MLKL: variants seen among roughly 807,000 people sequenced by gnomAD.
MLKL encodes the protein mixed lineage kinase domain-like protein.
MLKL carries 55 observed loss-of-function variants against 56.5 expected under a neutral mutation model. The ratio of observed to expected loss-of-function variants is 0.97; its 90% CI spans 0.78 to 1.22. MLKL has a LOEUF of 1.22. Among genes scored for constraint, MLKL ranks in the 50% most tolerant of loss-of-function variants. The pLI is 0.00. For missense variants in MLKL, 694 were observed against 573.9 expected, an observed-to-expected ratio of 1.21 and a Z score of -2.14; for synonymous variants, 251 against 208.3, an observed-to-expected ratio of 1.20 and a Z score of -1.76.
chr16:74,677,593 G>A (rs1017722449), intron 7 of MLKL: 2 of 152,122 alleles, frequency 1.3e-5, no homozygotes, highest in Non-Finnish European at 2.9e-5. Flanking sequence ...TGGGCTCAAA[G>A]TGATCCTCCT....
intron 5 of MLKL, among the ~76,000 whole-genome samples, chr16:74,683,933 A>G (rs1960157290): frequency 6.6e-6 from 1 of 152,018 alleles, no homozygotes; most frequent in Non-Finnish European, 1.5e-5. Flanking sequence ...GTTGCTGAAC[A>G]TTTGTCTTTA....
intron 2 of MLKL, among the ~76,000 whole-genome samples, chr16:74,695,038 A>C (rs1201334033): frequency 6.6e-6 from 1 of 152,004 alleles, no homozygotes; most frequent in African/African-American, 2.4e-5. Flanking sequence ...ATGCCCGGCT[A>C]ATTTTTTGTA....
chr16:74,685,764 G>C (rs967472976), intron 4 of MLKL, among the ~76,000 whole-genome samples, 181 bp from the exon 5 acceptor site: 1 of 152,160 alleles, frequency 6.6e-6, no homozygotes, highest in African/African-American at 2.4e-5. Flanking sequence ...GCCTGTGGCA[G>C]CACAATTAGT....
At position 74,695,727 on chromosome 16, in the gene MLKL, C is replaced by A. The variant is rs1223623544; in HGVS notation, c.31G>T (p.Gly11Cys). 6.2e-7 allele frequency: 1 copy of A among 1,606,702 alleles called. No homozygotes were observed. Among genetic ancestry groups the A allele is most frequent in the Admixed American group, 1.7e-5 (1 of 58,478 alleles). ...TCACACCGTTTGTGGATGACCTGGC[C>A]AAGGGTGATAATATGCTTCAAATTT... MENLKHIITL[G>C]QVIHKRCEEM... The change falls in exon 2 of 11, where the codon GGC becomes TGC. Residue 11 changes from glycine (G) to cysteine (C), a missense_variant. Gly to Cys is a radical substitution (Grantham distance 159). Coordinates refer to ENST00000308807, the MANE Select transcript of MLKL (RefSeq NM_152649.4).
intron 1 of MLKL, among the ~76,000 whole-genome samples, chr16:74,700,082 TAAAAA>T (rs1178572390): frequency 6.6e-6 from 1 of 151,960 alleles, no homozygotes; most frequent in African/African-American, 2.4e-5. Flanking sequence ...AAATAAAAAA[TAAAAA>T]TAAAATAAAA....
At chr16:74,687,981 A>G (rs1312658793) in intron 4 of MLKL, among the ~76,000 whole-genome samples, 1 of 152,140 alleles carries the variant, frequency 6.6e-6, no homozygotes, top group Non-Finnish European at 1.5e-5. Context: ...GCCCGCCACC[A>G]CACCTGGCTA....
At chr16:74,695,265 G>T (rs767379695) in intron 2 of MLKL, 33 bp downstream of exon 2, 1 of 1,593,440 alleles carries the variant, frequency 6.3e-7, no homozygotes, top group Non-Finnish European at 8.6e-7. Context: ...GCATTCAACT[G>T]CACTCCCACT....
In MLKL at chr16:74,672,451, T is replaced by C. The variant is rs9783779; in HGVS notation, c.*53A>G. On this transcript the variant is annotated 3_prime_UTR_variant, in exon 11 of 11. Coordinates refer to ENST00000308807, the MANE Select transcript of MLKL (RefSeq NM_152649.4). ...ATATGAGAGAGAGAGATGTCCAGTT[T>C]GTGCCTCTCCCAGCTTCTTGTCCAG... is the stretch of plus-strand genomic sequence containing the variant. 0.14 allele frequency: 215,740 copies of C among 1,530,068 alleles called. 17,238 individuals are homozygous for C. The highest frequency in any genetic ancestry group is 0.32 in the Admixed American group (18,784 of 59,206). The allele number at this position is 1,530,068 out of a possible 1,614,324, so 94.8% of individuals were successfully genotyped here.
At chr16:74,687,277 G>T (rs1305160109) in intron 4 of MLKL, among the ~76,000 whole-genome samples, 2 of 152,014 alleles carry the variant, frequency 1.3e-5, no homozygotes, top group African/African-American at 4.8e-5. Flanking sequence ...CACCCAGCAA[G>T]AAATTTTAAA....
chr16:74,688,468 G>A (rs1008222104), intron 4 of MLKL, among the ~76,000 whole-genome samples: 1 of 151,954 alleles, frequency 6.6e-6, no homozygotes, highest in Non-Finnish European at 1.5e-5. Flanking sequence ...AATCCCAGCA[G>A]TTTGGGAGGC....
intron 4 of MLKL, among the ~76,000 whole-genome samples, chr16:74,686,748 G>A (rs1415679987): frequency 6.6e-6 from 1 of 152,178 alleles, no homozygotes; most frequent in African/African-American, 2.4e-5. Flanking sequence ...GACTCAAAGG[G>A]CAAAGGAGGC....
At chr16:74,686,987 G>T (rs1382457625) in intron 4 of MLKL, among the ~76,000 whole-genome samples, 2 of 152,120 alleles carry the variant, frequency 1.3e-5, no homozygotes, top group African/African-American at 2.4e-5. Context: ...TTGTTTGTTT[G>T]TTTTTTGAGA....
At position 74,675,702 on chromosome 16, in the gene MLKL, C is replaced by T. The variant is rs769258281; in HGVS notation, c.1101G>A (p.Lys367=). 9.9e-6 allele frequency: 16 copies of T among 1,613,038 alleles called. No homozygotes were observed. In the African/African-American group the frequency reaches 2.0e-4, roughly 20 times the overall value. The stretch of plus-strand genomic sequence containing the variant: ...ATGCTGTAGATTTGACTCTGTCTGT[C>T]TTTTCTCTCGTAGTTCCCAAACTCA... ...TSMSLGTTRE[K]TDRVKSTAYL... Residue 367 remains lysine (K), a synonymous_variant, in exon 8 of 11, where the codon AAG becomes AAA. Coordinates refer to ENST00000308807, the MANE Select transcript of MLKL (RefSeq NM_152649.4).
At chr16:74,678,836 TG>T in intron 7 of MLKL, 62 bp downstream of exon 7, 1 of 1,151,616 alleles carries the variant, frequency 8.7e-7, no homozygotes, top group Non-Finnish European at 1.3e-6. Flanking sequence ...GAGACACTCG[TG>T]CCCCTCTCAT....
At chr16:74,676,478 T>G (rs1959602463) in intron 7 of MLKL, 4 of 976,978 alleles carry the variant, frequency 4.1e-6, no homozygotes, top group South Asian at 4.7e-5. Flanking sequence ...CATCCCCCTT[T>G]CATTCATTCA....
In MLKL at chr16:74,695,426, T is replaced by C. The variant is rs1404245879; in HGVS notation, c.332A>G (p.Glu111Gly). 1.2e-6 allele frequency: 2 copies of C among 1,614,226 alleles called. No individual in the cohort carries two copies. The highest frequency in any genetic ancestry group is 2.2e-5 in the East Asian group (1 of 44,874). Residue 111 changes from glutamate to glycine, a missense_variant, in exon 2 of 11, where the codon GAG becomes GGG. Physicochemically the swap from Glu to Gly is moderately conservative, Grantham distance 98. Transcript: ENST00000308807. ...VNRKLSDVWK[E>G]LSLLLQVEQR... is the part of the protein sequence containing the mutation. ...CTCAACCTGAAGTAACAGCGAGAGC[T>C]CCTTCCAGACATCACTCAGCTTCCT...
In MLKL at chr16:74,695,292, G is replaced by C. The variant is rs1286136428; in HGVS notation, c.460+6C>G. 20 of 1,611,964 alleles carry C rather than the reference G, an allele frequency of 1.2e-5. No homozygotes were observed. In the Admixed American group the frequency reaches 2.5e-4, roughly 20 times the overall value. On this transcript the variant is annotated splice_donor_region_variant and intron_variant, in intron 2 of 10. Transcript: ENST00000308807. ...ACTCCCACTCCCCACCAAAGACCCA[G>C]CTTGCCTCTTCTTAGCATCTGGAAA...
At chr16:74,680,317 G>C (rs1210519192) in intron 6 of MLKL, among the ~76,000 whole-genome samples, 1 of 152,172 alleles carries the variant, frequency 6.6e-6, no homozygotes, top group Non-Finnish European at 1.5e-5. Flanking sequence ...AGTTTAGGGA[G>C]TTGAGAAGAA....
rs1270248837 is a variant in MLKL, at chr16:74,671,939, T to G, written c.*565A>C. 1 of 152,310 alleles carries G rather than the reference T, an allele frequency of 6.6e-6. No homozygotes were observed. The highest frequency in any genetic ancestry group is 6.5e-5 in the Admixed American group (1 of 15,284). The allele number at this position is 152,310 out of a possible 1,614,324, so 9.4% of individuals were successfully genotyped here. Reference sequence around the variant, plus strand: ...CTGGGATCTGCTTGAGTGGTTCTTCTGGTCTTGATTGGCCTCATTCATGTG... The same window carrying G: ...CTGGGATCTGCTTGAGTGGTTCTTCGGGTCTTGATTGGCCTCATTCATGTG... On this transcript the variant is annotated 3_prime_UTR_variant, in exon 11 of 11. Transcript: ENST00000308807.
Sources: gnomAD v4.1 joint callset for allele counts (sites outside exome capture counted in the v4.1 genomes callset) on GRCh38, gnomAD v4.1.1 for gene constraint, MANE v1.5 for transcripts, NCBI Gene and HGNC (gene_info 2026-07-23, HGNC 2026-07-21) for gene names.